Variants in BRCA2 observed in about 807,000 individuals in gnomAD.
BRCA2 encodes breast cancer type 2 susceptibility protein.
Under a neutral mutation model 276.7 loss-of-function variants are expected in BRCA2, and 203 were observed. The observed-to-expected ratio is 0.73, with a 90% CI of 0.65 to 0.82. BRCA2 has a LOEUF of 0.82. Ranked by LOEUF, BRCA2 falls within the 40% of genes least tolerant of loss-of-function variation. The probability of loss-of-function intolerance (pLI) is 0.00; values close to 1 mark genes in which losing one functional copy is unlikely to be tolerated. For missense variants in BRCA2, 3,920 were observed against 3,915.0 expected (o/e 1.00, Z -0.03); for synonymous variants, 1,289 against 1,338.4 (o/e 0.96, Z 0.81).
Position 32,336,762 on chromosome 13 carries a change from T to TA in BRCA2, c.2408dup (p.Tyr803Ter). 6.2e-7 allele frequency: 1 copy of TA among 1,612,716 alleles called. No individual in the cohort carries two copies. Among genetic ancestry groups the TA allele is most frequent in the Non-Finnish European group, 8.5e-7 (1 of 1,179,476 alleles). ...KMSDKLKGNN[Y>*]ESDVELTKNI... Reference sequence around the variant, plus strand: ...GTCAGACAAGCTCAAAGGTAACAATTATGAATCTGATGTTGAATTAACCAA... The same window carrying TA: ...GTCAGACAAGCTCAAAGGTAACAATTAATGAATCTGATGTTGAATTAACCAA... The change falls in exon 11 of 27, where the codon TAT becomes TAAT. Residue 803 changes from tyrosine to a stop codon, truncating the protein, a stop_gained and frameshift_variant. Coordinates refer to ENST00000380152, the MANE Select transcript of BRCA2 (RefSeq NM_000059.4). LOFTEE classifies it high-confidence loss of function.
chr13:32,328,875 AGT>A lies in BRCA2; in HGVS notation c.632-551_632-550del, dbSNP rs397843915. Among the ~76,000 whole-genome samples the A allele has an allele frequency of 2.0e-3, 296 of 150,844 alleles. 1 individual carries two copies. The East Asian group carries it at 0.025, about 12-fold the overall frequency. ...TGCCCATGTGTGTGTGCAGTCATAA[AGT>A]GTGTGTGTGTGTGTGTATTTAAAAA... On this transcript the variant is annotated intron_variant, in intron 7 of 26. Coordinates refer to ENST00000380152, the MANE Select transcript of BRCA2 (RefSeq NM_000059.4).
At chr13:32,336,206 T>A (rs2137481365) in intron 10 of BRCA2, 59 bp from the exon 11 acceptor site, 1 of 1,531,902 alleles carries the variant, frequency 6.5e-7, no homozygotes. Context: ...TAGTGAAAAA[T>A]ATTTAGTGAA....
chr13:32,332,783 A>G lies in BRCA2; in HGVS notation c.1305A>G (p.Arg435=), dbSNP rs2137469893. The G allele has an allele frequency of 6.2e-7, 1 of 1,607,556 alleles. No individual in the cohort carries two copies. Among genetic ancestry groups the G allele is most frequent in the Non-Finnish European group, 8.5e-7 (1 of 1,178,442 alleles). The change falls in exon 10 of 27, where the codon AGA becomes AGG. Residue 435 remains arginine (R), a synonymous_variant. Coordinates refer to ENST00000380152, the MANE Select transcript of BRCA2 (RefSeq NM_000059.4). ...EKDLLDTENK[R]KKDFLTSENS... The stretch of plus-strand genomic sequence containing the variant: ...ACCTATTAGACACAGAGAACAAAAG[A>G]AAGAAAGATTTTCTTACTTCAGAGA...
Position 32,344,555 on chromosome 13 carries a change from TA to T in BRCA2, c.6842-2del. 1 of 1,501,958 alleles carries T rather than the reference TA, an allele frequency of 6.7e-7. No homozygotes were observed. Among genetic ancestry groups the T allele is most frequent in the East Asian group, 2.3e-5 (1 of 44,226 alleles). 93.0% of individuals were successfully genotyped at this position (1,501,958 alleles called of 1,614,324 possible). On this transcript the variant is annotated splice_acceptor_variant, in intron 11 of 26. Coordinates refer to ENST00000380152, the MANE Select transcript of BRCA2 (RefSeq NM_000059.4). LOFTEE classifies it high-confidence loss of function. The stretch of plus-strand genomic sequence containing the variant: ...AAAACATATATGAAATATTTCTTTT[TA>T]GGAGAACCCTCAATCAAAAGAAACT...
chr13:32,392,102 T>C (rs2073000534), intron 24 of BRCA2, among the ~76,000 whole-genome samples: 2 of 152,180 alleles, frequency 1.3e-5, no homozygotes, highest in South Asian at 2.1e-4. Context: ...ATAATTTCTT[T>C]AAAAGCAGTG....
At chr13:32,344,517 A>T (rs753979600) in intron 11 of BRCA2, 41 bp from the exon 12 acceptor site, 1 of 1,291,322 alleles carries the variant, frequency 7.7e-7, no homozygotes, top group Non-Finnish European at 1.1e-6. Context: ...TAAAACTGAT[A>T]TTATTTGCCT....
intron 24 of BRCA2, among the ~76,000 whole-genome samples, chr13:32,386,270 T>C (rs999182003): frequency 6.6e-6 from 1 of 151,920 alleles, no homozygotes; most frequent in African/African-American, 2.4e-5. Context: ...TAGCCAGGGG[T>C]GGTGGCACAC....
chr13:32,383,559 A>G (rs1213881505), intron 24 of BRCA2, among the ~76,000 whole-genome samples: 1 of 152,186 alleles, frequency 6.6e-6, no homozygotes, highest in African/African-American at 2.4e-5. Flanking sequence ...GGCATGAAGT[A>G]GTTGGAAAGT....
chr13:32,338,277 G>A lies in BRCA2; in HGVS notation c.3922G>A (p.Glu1308Lys), dbSNP rs80358638. The change falls in exon 11 of 27, where the codon GAA becomes AAA. Residue 1308 changes from glutamate to lysine, a missense_variant. Physicochemically the swap from Glu to Lys is moderately conservative, Grantham distance 56. Around this residue, in one of 2 missense-constraint regions of BRCA2, gnomAD observed 3,263 missense variants for 3,156.9 expected, o/e 1.03. Coordinates refer to ENST00000380152, the MANE Select transcript of BRCA2 (RefSeq NM_000059.4). ...AATGACTACTGGCACTTTTGTTGAA[G>A]AAATTACTGAAAATTACAAGAGAAA... Reference protein sequence around the residue: ...IEMTTGTFVEEITENYKRNTE... With the variant: ...IEMTTGTFVEKITENYKRNTE... The A allele has an allele frequency of 6.4e-7, 1 of 1,567,026 alleles. No individual in the cohort carries two copies. Among genetic ancestry groups the A allele is most frequent in the Non-Finnish European group, 8.6e-7 (1 of 1,158,982 alleles).
chr13:32,325,124 C>G lies in BRCA2; in HGVS notation c.365C>G (p.Thr122Ser), dbSNP rs2137446441. ...CATAAAAGTCTTCGCACAGTGAAAACTAAAATGGATCAAGCAGATGATGTT... is the reference window on the plus strand; with the variant it reads ...CATAAAAGTCTTCGCACAGTGAAAAGTAAAATGGATCAAGCAGATGATGTT... ...SRHKSLRTVK[T>S]KMDQADDVSC... Residue 122 changes from threonine to serine, a missense_variant, in exon 4 of 27, where the codon ACT becomes AGT. By Grantham distance (58) the Thr-to-Ser change is moderately conservative. Transcript: ENST00000380152. The G allele has an allele frequency of 6.2e-7, 1 of 1,610,052 alleles. No homozygotes were observed. The highest frequency in any genetic ancestry group is 2.2e-5 in the East Asian group (1 of 44,818).
chr13:32,326,374 C>T (rs1211228547), intron 6 of BRCA2, 92 bp downstream of exon 6: 1 of 1,489,352 alleles, frequency 6.7e-7, no homozygotes, highest in Non-Finnish European at 9.3e-7. Context: ...CAAATCTGTA[C>T]CTAGCATTCT....
rs876659051 is a variant in BRCA2, at chr13:32,337,127, C to T, written c.2772C>T (p.Asn924=). The T allele has an allele frequency of 3.1e-6, 5 of 1,613,790 alleles. No homozygotes were observed. Among genetic ancestry groups the T allele is most frequent in the Non-Finnish European group, 4.2e-6 (5 of 1,179,876 alleles). The part of the protein sequence containing the change: ...LTCVNEPIFK[N]STMVLYGDTG... Reference sequence around the variant, plus strand: ...GTGTAAACGAACCCATTTTCAAGAACTCTACCATGGTTTTATATGGAGACA... The same window carrying T: ...GTGTAAACGAACCCATTTTCAAGAATTCTACCATGGTTTTATATGGAGACA... Residue 924 remains asparagine (N), a synonymous_variant, in exon 11 of 27, where the codon AAC becomes AAT. Transcript: ENST00000380152.
chr13:32,353,717 C>A (rs1295565857), intron 13 of BRCA2, among the ~76,000 whole-genome samples: 1 of 152,084 alleles, frequency 6.6e-6, no homozygotes, highest in Non-Finnish European at 1.5e-5. Flanking sequence ...GATGGATGGG[C>A]GAACGGATAA....
intron 10 of BRCA2, among the ~76,000 whole-genome samples, chr13:32,334,991 G>C (rs2072436983): frequency 6.6e-6 from 1 of 152,118 alleles, no homozygotes; most frequent in Non-Finnish European, 1.5e-5. Context: ...TTGAAGTTTG[G>C]GTTAAATTTT....
chr13:32,349,216 CAA>C (rs55777417), intron 13 of BRCA2, among the ~76,000 whole-genome samples: 1,113 of 98,048 alleles, frequency 0.011, 10 homozygotes, highest in African/African-American at 0.046. Flanking sequence ...GACTCTGTCT[CAA>C]AAAAAAAAAA....
At position 32,370,993 on chromosome 13, in the gene BRCA2, G is replaced by T. The variant is rs80359105; in HGVS notation, c.8525G>T (p.Arg2842Leu). ...ACATCATCTGGATTATACATATTTC[G>T]CAATGAAAGAGAGGAAGAAAAGGAA... ...EKTSSGLYIF[R>L]NEREEEKEAA... The change falls in exon 20 of 27, where the codon CGC becomes CTC. Residue 2842 changes from arginine to leucine, a missense_variant. Coordinates refer to ENST00000380152, the MANE Select transcript of BRCA2 (RefSeq NM_000059.4). 5.6e-6 allele frequency: 9 copies of T among 1,613,990 alleles called. No individual in the cohort carries two copies. Among genetic ancestry groups the T allele is most frequent in the Non-Finnish European group, 6.8e-6 (8 of 1,179,972 alleles).
At chr13:32,379,292 A>G in intron 21 of BRCA2, 25 bp from the exon 22 acceptor site, 1 of 1,612,250 alleles carries the variant, frequency 6.2e-7, no homozygotes, top group East Asian at 2.2e-5. Context: ...ATTGCTTTTT[A>G]TTCCAATATC....
At position 32,376,978 on chromosome 13, in the gene BRCA2, C is replaced by T. The variant is rs3764792; in HGVS notation, c.8754+187C>T. ...TGGTGGTATGTTTTCAACTATATAC[C>T]GAGTAGAGGATGGGAGGGTTCTAGA... On this transcript the variant is annotated intron_variant, in intron 21 of 26. Transcript: ENST00000380152. Among the ~76,000 whole-genome samples the T allele has an allele frequency of 0.22, 33,003 of 151,778 alleles. 3,676 individuals are homozygous for T. The highest frequency in any genetic ancestry group is 0.39 in the East Asian group (2,026 of 5,140).
rs397507275 is a variant in BRCA2, at chr13:32,333,234, A to G, written c.1756A>G (p.Lys586Glu). ...NAGLISTLKK[K>E]TNKFIYAIHD... is the part of the protein sequence containing the mutation. The stretch of plus-strand genomic sequence containing the variant: ...AGGTTTAATATCCACTTTGAAAAAG[A>G]AAACAAATAAGTTTATTTATGCTAT... The change falls in exon 10 of 27, where the codon AAA becomes GAA. Residue 586 changes from lysine to glutamate, a missense_variant. Physicochemically the swap from Lys to Glu is moderately conservative, Grantham distance 56. Transcript: ENST00000380152. 2 of 1,612,830 alleles carry G rather than the reference A, an allele frequency of 1.2e-6. No individual in the cohort carries two copies. The highest frequency in any genetic ancestry group is 1.3e-5 in the African/African-American group (1 of 75,016).
Sources: allele counts gnomAD v4.1 joint callset (sites outside exome capture counted in the v4.1 genomes callset), GRCh38; gene constraint gnomAD v4.1.1; regional missense constraint gnomAD v4.1.1; transcripts MANE v1.5; gene names NCBI Gene and HGNC (gene_info 2026-07-23, HGNC 2026-07-21).